TANK: variants seen among roughly 807,000 people sequenced by gnomAD.
TANK encodes TRAF family member-associated NF-kappa-B activator.
A neutral mutation model predicts 43.6 loss-of-function variants in TANK; 15 were observed. The observed-to-expected ratio is 0.34, with a 90% CI of 0.23 to 0.53. The LOEUF (loss-of-function observed/expected upper bound fraction) is 0.53, where lower values mean the gene tolerates loss of function less well. Ranked by LOEUF, TANK falls within the 20% of genes least tolerant of loss-of-function variation. The pLI, the probability that TANK is intolerant of heterozygous loss-of-function variation, is 0.94. For synonymous variants in TANK, 162 were observed against 178.2 expected (o/e 0.91, Z 0.73); for missense variants, 417 against 498.6 (o/e 0.84, Z 1.56).
chr2:161,150,637 C>T (rs558557452), intron 1 of TANK, among the ~76,000 whole-genome samples: 6 of 139,372 alleles, frequency 4.3e-5, no homozygotes, highest in African/African-American at 1.7e-4. Flanking sequence ...TACTCTGTCT[C>T]CCAGGCTGGT....
In TANK at chr2:161,179,728, T is replaced by G; in HGVS notation, c.66T>G (p.Asp22Glu). The change falls in exon 2 of 8, where the codon GAT becomes GAG. Residue 22 changes from aspartate to glutamate, a missense_variant. By Grantham distance (45) the Asp-to-Glu change is conservative. Coordinates refer to ENST00000392749, the MANE Select transcript of TANK (RefSeq NM_001199135.3). Reference protein sequence around the residue: ...AYEAFRQACMDRDSAVKELQQ... With the variant: ...AYEAFRQACMERDSAVKELQQ... Reference sequence around the variant, plus strand: ...AAGCCTTCCGGCAGGCATGCATGGATAGAGATTCTGCAGTAAAAGAATTAC... The same window carrying G: ...AAGCCTTCCGGCAGGCATGCATGGAGAGAGATTCTGCAGTAAAAGAATTAC... The G allele has an allele frequency of 6.2e-7, 1 of 1,612,598 alleles. No homozygotes were observed. The highest frequency in any genetic ancestry group is 8.5e-7 in the Non-Finnish European group (1 of 1,179,178).
At position 161,224,631 on chromosome 2, in the gene TANK, G is replaced by T; in HGVS notation, c.405G>T (p.Arg135Ser). ...TTAAAATGTTGATTTTTTTTTTTAG[G>T]GGTAATATAGAGAAGACTTTCTGGG... ...RSLGSPLLHE[R>S]GNIEKTFWDL... The change falls in exon 6 of 8, where the codon AGG (arginine) becomes AGT (serine). Residue 135 changes from arginine (R) to serine (S), a missense_variant and splice_region_variant. Physicochemically the swap from Arg to Ser is moderately radical, Grantham distance 110. Transcript: ENST00000392749. The T allele has an allele frequency of 6.9e-7, 1 of 1,444,172 alleles. No individual in the cohort carries two copies. The highest frequency in any genetic ancestry group is 9.4e-7 in the Non-Finnish European group (1 of 1,067,162). 89.5% of individuals were successfully genotyped at this position (1,444,172 alleles called of 1,614,324 possible).
At chr2:161,173,870 A>T (rs1451020699) in intron 1 of TANK, among the ~76,000 whole-genome samples, 1 of 152,118 alleles carries the variant, frequency 6.6e-6, no homozygotes, top group African/African-American at 2.4e-5. Flanking sequence ...CAGTGGTTAA[A>T]CAAGGGTTGC....
At chr2:161,234,478 G>A (rs894913788) in intron 7 of TANK, among the ~76,000 whole-genome samples, 5 of 152,170 alleles carry the variant, frequency 3.3e-5, no homozygotes, top group Non-Finnish European at 5.9e-5. Flanking sequence ...GACATCTATT[G>A]TGTAGCTATT....
intron 1 of TANK, among the ~76,000 whole-genome samples, chr2:161,174,971 G>C (rs1158380686): frequency 6.6e-6 from 1 of 152,102 alleles, no homozygotes; most frequent in Non-Finnish European, 1.5e-5. Context: ...TAAATAAAAG[G>C]AATGGGTAAG....
At chr2:161,150,442 T>A (rs1205433397) in intron 1 of TANK, among the ~76,000 whole-genome samples, 1 of 152,096 alleles carries the variant, frequency 6.6e-6, no homozygotes, top group African/African-American at 2.4e-5. Flanking sequence ...TCATTGATTC[T>A]CTCAACTGTG....
intron 4 of TANK, among the ~76,000 whole-genome samples, chr2:161,221,448 T>A (rs1687335927): frequency 6.6e-6 from 1 of 152,168 alleles, no homozygotes; most frequent in Admixed American, 6.5e-5. Flanking sequence ...AACAAACTGA[T>A]TAATCTTTAT....
chr2:161,192,054 C>T (rs1278304355), intron 2 of TANK, among the ~76,000 whole-genome samples: 1 of 152,146 alleles, frequency 6.6e-6, no homozygotes, highest in Non-Finnish European at 1.5e-5. Context: ...TCCCAAAGTG[C>T]TGGGATTACA....
intron 2 of TANK, among the ~76,000 whole-genome samples, chr2:161,189,665 C>A (rs1048507743): frequency 6.6e-6 from 1 of 152,050 alleles, no homozygotes; most frequent in African/African-American, 2.4e-5. Context: ...CCAAAAAAAA[C>A]CCACCTGTTA....
At chr2:161,186,190 A>G (rs890700518) in intron 2 of TANK, among the ~76,000 whole-genome samples, 1 of 152,226 alleles carries the variant, frequency 6.6e-6, no homozygotes, top group Non-Finnish European at 1.5e-5. Flanking sequence ...CCTGGCTCAA[A>G]AAAAGTAAAA....
intron 4 of TANK, among the ~76,000 whole-genome samples, chr2:161,213,693 TA>T (rs1447268683): frequency 6.8e-6 from 1 of 146,518 alleles, no homozygotes; most frequent in African/African-American, 2.6e-5. Flanking sequence ...AACCTGCTGT[TA>T]TTTTTTTTTT....
At chr2:161,213,813 T>C (rs76366677) in intron 4 of TANK, among the ~76,000 whole-genome samples, 5,703 of 152,050 alleles carry the variant, frequency 0.038, 224 homozygotes, top group East Asian at 0.18. Context: ...TCTTTGATAC[T>C]GCACTAAAAC....
At chr2:161,182,610 G>A (rs1479666284) in intron 2 of TANK, among the ~76,000 whole-genome samples, 3 of 152,080 alleles carry the variant, frequency 2.0e-5, no homozygotes, top group African/African-American at 7.2e-5. Flanking sequence ...CTCCCAGCAC[G>A]TGGATGAGTT....
Position 161,224,041 on chromosome 2 carries a change from ATATATTT to A in TANK, c.404+58_404+64del, listed in dbSNP as rs770413600. On this transcript the variant is annotated intron_variant, in intron 5 of 7. Transcript: ENST00000392749. The stretch of plus-strand genomic sequence containing the variant: ...ACTCTTAAAAATTATCAATACTGAA[ATATATTT>A]TATATTTGTTTTTTTTAAGCTTTAA... The A allele has an allele frequency of 4.7e-5, 56 of 1,189,816 alleles. No homozygotes were observed. The African/African-American group carries it at 7.0e-4, about 15-fold the overall frequency. 73.7% of individuals were successfully genotyped at this position (1,189,816 alleles called of 1,614,324 possible). A position where few individuals can be genotyped will look rare whatever the true frequency, so the allele number is the denominator to read the frequency against.
At chr2:161,193,858 C>A (rs765094817) in intron 2 of TANK, among the ~76,000 whole-genome samples, 1 of 152,180 alleles carries the variant, frequency 6.6e-6, no homozygotes, top group Non-Finnish European at 1.5e-5. Flanking sequence ...TATCCTCTAG[C>A]TGGGTGACCA....
chr2:161,170,525 C>T (rs1228594189), intron 1 of TANK, among the ~76,000 whole-genome samples: 5 of 152,286 alleles, frequency 3.3e-5, no homozygotes, highest in African/African-American at 7.2e-5. Context: ...TGTTTCCCTG[C>T]GTTGGTGCAT....
intron 1 of TANK, among the ~76,000 whole-genome samples, chr2:161,178,546 A>G (rs1416462191): frequency 6.6e-6 from 1 of 151,928 alleles, no homozygotes; most frequent in African/African-American, 2.4e-5. Flanking sequence ...GGACTGTTTT[A>G]GGGAGGGTGA....
intron 4 of TANK, among the ~76,000 whole-genome samples, chr2:161,213,914 T>G (rs1324030757): frequency 6.6e-6 from 1 of 152,212 alleles, no homozygotes; most frequent in Non-Finnish European, 1.5e-5. Flanking sequence ...TGGTCTATCT[T>G]GTACTTTGAG....
At chr2:161,202,965 G>A (rs897225451) in intron 2 of TANK, 11 of 390,886 alleles carry the variant, frequency 2.8e-5, no homozygotes, top group South Asian at 1.5e-4. Context: ...TTAAAACTTA[G>A]TGGAGAAGTT....
Sources: allele counts gnomAD v4.1 joint callset (sites outside exome capture counted in the v4.1 genomes callset), GRCh38; gene constraint gnomAD v4.1.1; transcripts MANE v1.5; gene names NCBI Gene and HGNC (gene_info 2026-07-23, HGNC 2026-07-21).